PARP8: variants seen among roughly 807,000 people sequenced by gnomAD.
The protein encoded by PARP8 is poly(ADP-ribose) polymerase family member 8.
PARP8 carries 51 observed loss-of-function variants against 124.1 expected under a neutral mutation model. That is an observed-to-expected ratio of 0.41 (90% CI 0.33 to 0.52). The LOEUF (loss-of-function observed/expected upper bound fraction) is 0.52, where lower values mean the gene tolerates loss of function less well. PARP8 is among the 20% of genes least tolerant of loss of function. The pLI is 0.21. For synonymous variants in PARP8, 391 were observed against 361.5 expected (o/e 1.08, Z -0.93); for missense variants, 860 against 1,018.9 (o/e 0.84, Z 2.12).
chr5:50,768,013 G>A (rs1414943161), intron 7 of PARP8, among the ~76,000 whole-genome samples: 2 of 148,290 alleles, frequency 1.3e-5, no homozygotes, highest in Non-Finnish European at 1.5e-5. Flanking sequence ...ATACATATAT[G>A]TGTGTGTGTG....
intron 2 of PARP8, among the ~76,000 whole-genome samples, chr5:50,719,629 T>A (rs902342116): frequency 6.6e-6 from 1 of 152,090 alleles, no homozygotes; most frequent in African/African-American, 2.4e-5. Flanking sequence ...AAAAATAAGT[T>A]GACTGTTAAT....
At chr5:50,684,762 G>A (rs568172466) in intron 2 of PARP8, among the ~76,000 whole-genome samples, 1 of 152,252 alleles carries the variant, frequency 6.6e-6, no homozygotes, top group East Asian at 1.9e-4. Flanking sequence ...TCTGAAGTCA[G>A]GAGCTTAGAA....
chr5:50,724,938 T>G (rs1178067646), intron 2 of PARP8, among the ~76,000 whole-genome samples: 1 of 152,048 alleles, frequency 6.6e-6, no homozygotes, highest in East Asian at 1.9e-4. Flanking sequence ...CACTTTTAAG[T>G]GAAAACGTAT....
chr5:50,842,077 C>T lies in PARP8; in HGVS notation c.*9C>T. On this transcript the variant is annotated 3_prime_UTR_variant, in exon 26 of 26. Coordinates refer to ENST00000281631, the MANE Select transcript of PARP8 (RefSeq NM_024615.4). ...AAACTGCTACTGGTTAAAGGACCACCATTTAATTAACATGATTCGAAAGCC... is the reference window on the plus strand; with the variant it reads ...AAACTGCTACTGGTTAAAGGACCACTATTTAATTAACATGATTCGAAAGCC... 1.3e-6 allele frequency: 2 copies of T among 1,560,828 alleles called. No homozygotes were observed. The highest frequency in any genetic ancestry group is 2.3e-5 in the East Asian group (1 of 43,450).
chr5:50,788,286 A>G (rs1308360845), intron 9 of PARP8, among the ~76,000 whole-genome samples: 3 of 147,082 alleles, frequency 2.0e-5, no homozygotes, highest in Non-Finnish European at 4.5e-5. Flanking sequence ...GTATTATACA[A>G]TATAATGTAT....
intron 2 of PARP8, among the ~76,000 whole-genome samples, chr5:50,678,620 A>T (rs531033360): frequency 2.0e-5 from 3 of 152,324 alleles, no homozygotes; most frequent in African/African-American, 7.2e-5. Context: ...ACGCTTGTTA[A>T]CATAAACTAT....
At chr5:50,742,191 T>C (rs529459914) in intron 2 of PARP8, among the ~76,000 whole-genome samples, 4 of 152,356 alleles carry the variant, frequency 2.6e-5, no homozygotes, top group Middle Eastern at 3.4e-3. Flanking sequence ...GCAGATATTG[T>C]GTGCAGTAGT....
chr5:50,716,598 T>C (rs1413865318), intron 2 of PARP8, among the ~76,000 whole-genome samples: 1 of 152,094 alleles, frequency 6.6e-6, no homozygotes, highest in Non-Finnish European at 1.5e-5. Context: ...AAATTCAGCT[T>C]ATGTGACACC....
chr5:50,818,885 G>A (rs1455925989), intron 15 of PARP8, among the ~76,000 whole-genome samples: 1 of 152,146 alleles, frequency 6.6e-6, no homozygotes, highest in Admixed American at 6.6e-5. Flanking sequence ...AATGTTTGAT[G>A]GGCCACTTTC....
intron 2 of PARP8, among the ~76,000 whole-genome samples, chr5:50,698,989 C>T (rs769454056): frequency 7.9e-5 from 12 of 152,136 alleles, no homozygotes; most frequent in African/African-American, 2.9e-4. Context: ...CCAACCTTGC[C>T]TCCTCCGAAC....
intron 23 of PARP8, among the ~76,000 whole-genome samples, 185 bp downstream of exon 23, chr5:50,833,039 A>G (rs1191971238): frequency 6.6e-6 from 1 of 152,190 alleles, no homozygotes; most frequent in African/African-American, 2.4e-5. Context: ...TAATCAACAG[A>G]TATTTATTTA....
intron 7 of PARP8, among the ~76,000 whole-genome samples, chr5:50,767,940 T>G (rs1474444915): frequency 1.3e-5 from 2 of 152,156 alleles, no homozygotes; most frequent in Non-Finnish European, 2.9e-5. Context: ...AATAAACAAG[T>G]AGCAATAGAG....
intron 10 of PARP8, among the ~76,000 whole-genome samples, chr5:50,791,739 TA>T (rs1249826518): frequency 6.6e-6 from 1 of 152,136 alleles, no homozygotes; most frequent in African/African-American, 2.4e-5. Context: ...TAGTTGTGTT[TA>T]AGGGGGGAAA....
chr5:50,833,494 A>G (rs753688345), intron 23 of PARP8: 1 of 402,016 alleles, frequency 2.5e-6, no homozygotes, highest in Non-Finnish European at 4.8e-6. Context: ...AAAAGAGAGT[A>G]TAGCTAATCT....
chr5:50,806,489 C>T (rs1295996555), intron 14 of PARP8, among the ~76,000 whole-genome samples: 3 of 151,890 alleles, frequency 2.0e-5, no homozygotes, highest in Non-Finnish European at 4.4e-5. Context: ...ATAAATATTG[C>T]TATATTTTTC....
intron 14 of PARP8, among the ~76,000 whole-genome samples, chr5:50,812,458 AGTTT>A (rs1450365075): frequency 1.5e-4 from 23 of 152,136 alleles, no homozygotes; most frequent in African/African-American, 4.3e-4. Flanking sequence ...TTTTCTTGTA[AGTTT>A]GTTTAAGTTC....
chr5:50,803,229 G>T (rs550229026), intron 14 of PARP8, among the ~76,000 whole-genome samples: 17 of 152,240 alleles, frequency 1.1e-4, no homozygotes, highest in African/African-American at 4.1e-4. Flanking sequence ...GTTATGTGAT[G>T]AATTGCTTCT....
intron 2 of PARP8, among the ~76,000 whole-genome samples, chr5:50,670,975 G>A (rs1308677138): frequency 2.0e-5 from 3 of 152,146 alleles, no homozygotes; most frequent in African/African-American, 7.2e-5. Flanking sequence ...CAATGATCTT[G>A]ATAATCCCCC....
chr5:50,821,698 T>G (rs1745782458), intron 16 of PARP8, among the ~76,000 whole-genome samples: 1 of 152,236 alleles, frequency 6.6e-6, no homozygotes, highest in Non-Finnish European at 1.5e-5. Context: ...TTCCTGAAGA[T>G]AAGGCAGAAT....
Sources: gnomAD v4.1 joint callset for allele counts (sites outside exome capture counted in the v4.1 genomes callset) on GRCh38, gnomAD v4.1.1 for gene constraint, MANE v1.5 for transcripts, NCBI Gene and HGNC (gene_info 2026-07-23, HGNC 2026-07-21) for gene names.